Variants in CCDC66 observed in about 807,000 individuals in gnomAD.
CCDC66 encodes the protein coiled-coil domain containing 66.
CCDC66 carries 133 observed loss-of-function variants against 128.3 expected under a neutral mutation model. The ratio of observed to expected loss-of-function variants is 1.04; its 90% CI spans 0.90 to 1.20. CCDC66 has a LOEUF of 1.20. CCDC66 is among the 50% of genes most tolerant of loss of function. The pLI, the probability that CCDC66 is intolerant of heterozygous loss-of-function variation, is 0.00. For synonymous variants in CCDC66, 387 were observed against 357.0 expected, an observed-to-expected ratio of 1.08 and a Z score of -0.95; for missense variants, 1,126 against 1,075.5, an observed-to-expected ratio of 1.05 and a Z score of -0.66.
chr3:56,561,015 G>T, intron 3 of CCDC66: 1 of 449,164 alleles, frequency 2.2e-6, no homozygotes, highest in South Asian at 1.6e-5. Context: ...ATAAATAGGT[G>T]AAGATGATCA....
intron 14 of CCDC66, 54 bp downstream of exon 14, chr3:56,617,659 G>C: frequency 3.2e-6 from 5 of 1,539,284 alleles, no homozygotes; most frequent in Non-Finnish European, 3.5e-6. Flanking sequence ...TCAAAACACA[G>C]TTTCTCATAC....
At chr3:56,612,730 G>A (rs946868452) in intron 10 of CCDC66, among the ~76,000 whole-genome samples, 13 of 152,144 alleles carry the variant, frequency 8.5e-5, no homozygotes, top group African/African-American at 3.1e-4. Flanking sequence ...GATGGTAATG[G>A]CAGGTTGATT....
chr3:56,584,452 C>T (rs145859933), intron 7 of CCDC66, among the ~76,000 whole-genome samples: 52,745 of 149,622 alleles, frequency 0.35, 10,291 homozygotes, highest in East Asian at 0.52. Flanking sequence ...ACCTCCCAGA[C>T]GGGGTCGCGG....
At chr3:56,615,860 TATAC>T in intron 12 of CCDC66, 58 bp from the exon 13 acceptor site, 9 of 1,382,338 alleles carry the variant, frequency 6.5e-6, no homozygotes, top group Non-Finnish European at 8.9e-6. Flanking sequence ...TAGTTGCTGC[TATAC>T]ATAATTTTTA....
At chr3:56,593,818 G>T in intron 9 of CCDC66, 77 bp downstream of exon 9, 1 of 1,583,768 alleles carries the variant, frequency 6.3e-7, no homozygotes, top group South Asian at 1.1e-5. Flanking sequence ...ATGTCTAATT[G>T]GTTTCAGGTT....
At chr3:56,566,920 G>C (rs1319342316) in intron 5 of CCDC66, 30 bp from the exon 6 acceptor site, 1 of 1,565,646 alleles carries the variant, frequency 6.4e-7, no homozygotes, top group Non-Finnish European at 8.8e-7. Flanking sequence ...GTATGATACA[G>C]TTTCTGTTAT....
chr3:56,617,225 T>C lies in CCDC66; in HGVS notation c.1957T>C (p.Phe653Leu). The change falls in exon 14 of 18, where the codon TTT (phenylalanine) becomes CTT (leucine). Residue 653 changes from phenylalanine to leucine, a missense_variant. By Grantham distance (22) the Phe-to-Leu change is conservative (BLOSUM62 0). Coordinates refer to ENST00000394672, the MANE Select transcript of CCDC66 (RefSeq NM_001141947.3). ...GATTTCGGCAGAACTTATTGGACAG[T>C]TTAGCACCAAGAAAAACAAGCAAGA... ...PEISAELIGQFSTKKNKQELT... is the reference protein window; with the variant it reads ...PEISAELIGQLSTKKNKQELT... The C allele has an allele frequency of 6.2e-7, 1 of 1,613,782 alleles. No homozygotes were observed. Among genetic ancestry groups the C allele is most frequent in the South Asian group, 1.1e-5 (1 of 91,000 alleles).
rs1458990342 is a variant in CCDC66, at chr3:56,566,989, G to C, written c.750G>C (p.Leu250=). 1 of 1,614,092 alleles carries C rather than the reference G, an allele frequency of 6.2e-7. No homozygotes were observed. The highest frequency in any genetic ancestry group is 1.1e-5 in the South Asian group (1 of 91,082). The change falls in exon 6 of 18, where the codon CTG becomes CTC. Residue 250 remains leucine (L), a synonymous_variant. Transcript: ENST00000394672. ...EWKPADIFST[L]GERECDRSSL... is the part of the protein sequence containing the mutation. ...AACCAGCTGATATATTCAGTACTCTGGGGGAAAGGGAATGTGATAGAAGTT... is the reference window on the plus strand; with the variant it reads ...AACCAGCTGATATATTCAGTACTCTCGGGGAAAGGGAATGTGATAGAAGTT...
Position 56,619,433 on chromosome 3 carries a change from T to TC in CCDC66, c.2543dup (p.Tyr849ValfsTer6). ...GGATTTCTGAATCATCCCATTTTAT[T>TC]CCGTATGTTCGAACAAATGAGATCT... On this transcript the variant is annotated frameshift_variant, in exon 16 of 18. Transcript: ENST00000394672. LOFTEE classifies it high-confidence loss of function. 6.2e-7 allele frequency: 1 copy of TC among 1,614,058 alleles called. No homozygotes were observed. Among genetic ancestry groups the TC allele is most frequent in the Non-Finnish European group, 8.5e-7 (1 of 1,179,966 alleles).
rs2071344606 is a variant in CCDC66 at position 56,593,692 on chromosome 3, A to G, written c.1270A>G (p.Ile424Val). ...SQVEPSEEEHIAKPIKDVVMA... is the reference protein window; with the variant it reads ...SQVEPSEEEHVAKPIKDVVMA... ...GGTTGAACCTTCAGAGGAGGAGCAT[A>G]TAGCAAAACCTATTAAGGATGTGGT... Residue 424 changes from isoleucine to valine, a missense_variant, in exon 9 of 18, where the codon ATA becomes GTA. By Grantham distance (29) the Ile-to-Val change is conservative. Coordinates refer to ENST00000394672, the MANE Select transcript of CCDC66 (RefSeq NM_001141947.3). 8 of 1,614,206 alleles carry G rather than the reference A, an allele frequency of 5.0e-6. No individual in the cohort carries two copies. Among genetic ancestry groups the G allele is most frequent in the South Asian group, 1.1e-5 (1 of 91,092 alleles).
At chr3:56,559,930 C>T (rs886914959) in intron 3 of CCDC66, among the ~76,000 whole-genome samples, 4 of 152,118 alleles carry the variant, frequency 2.6e-5, no homozygotes, top group Non-Finnish European at 4.4e-5. Flanking sequence ...TATGACTGAG[C>T]AACTGAATTT....
At chr3:56,562,695 G>T (rs962669726) in intron 3 of CCDC66, among the ~76,000 whole-genome samples, 9 of 152,120 alleles carry the variant, frequency 5.9e-5, no homozygotes, top group African/African-American at 1.9e-4. Context: ...CTGGAGTGCA[G>T]TGGCACGATC....
At chr3:56,590,839 T>C (rs2070756332) in intron 7 of CCDC66, among the ~76,000 whole-genome samples, 2 of 152,018 alleles carry the variant, frequency 1.3e-5, no homozygotes, top group Non-Finnish European at 2.9e-5. Context: ...AGGTCAATAA[T>C]AGGGAGATAG....
intron 10 of CCDC66, among the ~76,000 whole-genome samples, chr3:56,599,260 A>T (rs1292642233): frequency 6.6e-6 from 1 of 151,784 alleles, no homozygotes; most frequent in Non-Finnish European, 1.5e-5. Flanking sequence ...TATCAGTTGT[A>T]ATTTCTCCTT....
At chr3:56,580,722 A>T (rs2068214545) in intron 7 of CCDC66, among the ~76,000 whole-genome samples, 1 of 151,914 alleles carries the variant, frequency 6.6e-6, no homozygotes, top group Admixed American at 6.6e-5. Flanking sequence ...TTCTTTAAGA[A>T]TGTTGAATAT....
At position 56,616,028 on chromosome 3, in the gene CCDC66, TAAG is replaced by T; in HGVS notation, c.1822_1824del (p.Lys608del). Reference sequence around the variant, plus strand: ...ATACATATATGAATTCTACGACTTCTAAGAAGGATACTGGTGTGCAAACAGGTA... The same window carrying T: ...ATACATATATGAATTCTACGACTTCTAAGGATACTGGTGTGCAAACAGGTA... On this transcript the variant is annotated inframe_deletion, in exon 13 of 18. Coordinates refer to ENST00000394672, the MANE Select transcript of CCDC66 (RefSeq NM_001141947.3). The T allele has an allele frequency of 1.3e-6, 2 of 1,597,018 alleles. No homozygotes were observed. The highest frequency in any genetic ancestry group is 1.7e-6 in the Non-Finnish European group (2 of 1,172,918).
intron 17 of CCDC66, chr3:56,621,278 A>C (rs1050789067): frequency 3.5e-6 from 1 of 283,208 alleles, no homozygotes; most frequent in African/African-American, 2.2e-5. Flanking sequence ...ATTTACCCCC[A>C]TAGTTATGGA....
At chr3:56,603,036 C>T (rs536050995) in intron 10 of CCDC66, among the ~76,000 whole-genome samples, 6 of 151,812 alleles carry the variant, frequency 4.0e-5, no homozygotes, top group South Asian at 2.1e-4. Context: ...GGGGTTTCAC[C>T]GTGTTAGCCA....
chr3:56,621,485 T>C (rs1199096423), intron 17 of CCDC66, 47 bp from the exon 18 acceptor site: 1 of 1,149,628 alleles, frequency 8.7e-7, no homozygotes, highest in Non-Finnish European at 1.3e-6. Flanking sequence ...ACATTGCAAG[T>C]CAGGTGTGCA....
Sources: gnomAD v4.1 joint callset for allele counts (sites outside exome capture counted in the v4.1 genomes callset) on GRCh38, gnomAD v4.1.1 for gene constraint, MANE v1.5 for transcripts, NCBI Gene and HGNC (gene_info 2026-07-23, HGNC 2026-07-21) for gene names.